Variants in DPYSL3 observed in about 807,000 individuals in gnomAD.
DPYSL3 encodes dihydropyrimidinase like 3.
A neutral mutation model predicts 66.1 loss-of-function variants in DPYSL3; 16 were observed. The observed-to-expected ratio is 0.24, with a 90% confidence interval of 0.16 to 0.37. The LOEUF (loss-of-function observed/expected upper bound fraction) is 0.37, where lower values mean the gene tolerates loss of function less well. Among genes scored for constraint, DPYSL3 ranks in the 10% least tolerant of loss-of-function variants. The pLI, the probability that DPYSL3 is intolerant of heterozygous loss-of-function variation, is 1.00. For synonymous variants in DPYSL3, 338 were observed against 345.1 expected (o/e 0.98, Z 0.23); for missense variants, 738 against 916.2 (o/e 0.81, Z 2.51).
At chr5:147,498,623 T>C (rs1195405232) in intron 1 of DPYSL3, among the ~76,000 whole-genome samples, 3 of 152,332 alleles carry the variant, frequency 2.0e-5, no homozygotes, top group African/African-American at 4.8e-5. Flanking sequence ...TTTTTAAAAA[T>C]AGTCATTCTG....
chr5:147,463,981 G>C (rs538121262), intron 1 of DPYSL3, among the ~76,000 whole-genome samples: 1 of 151,530 alleles, frequency 6.6e-6, no homozygotes, highest in Non-Finnish European at 1.5e-5. Context: ...CTCATTAACT[G>C]GCACAGGATC....
intron 1 of DPYSL3, among the ~76,000 whole-genome samples, chr5:147,493,651 A>G (rs894599718): frequency 1.4e-4 from 21 of 152,212 alleles, no homozygotes; most frequent in Non-Finnish European, 3.1e-4. Context: ...CAGAAAATTA[A>G]TAAGATTAAT....
intron 11 of DPYSL3, 54 bp from the exon 12 acceptor site, chr5:147,397,899 T>A: frequency 7.1e-6 from 6 of 846,452 alleles, no homozygotes; most frequent in Non-Finnish European, 9.9e-6. Context: ...AAGAGGAACG[T>A]ACCTTCTCTC....
At chr5:147,480,245 T>C (rs1753215863) in intron 1 of DPYSL3, among the ~76,000 whole-genome samples, 1 of 152,204 alleles carries the variant, frequency 6.6e-6, no homozygotes, top group Non-Finnish European at 1.5e-5. Context: ...CTTTTTGCGC[T>C]GTCACTCCCA....
intron 1 of DPYSL3, among the ~76,000 whole-genome samples, chr5:147,443,241 C>A (rs913258045): frequency 2.6e-5 from 4 of 152,138 alleles, no homozygotes; most frequent in Admixed American, 1.3e-4. Context: ...GACATAGAAC[C>A]AATGATAGAC....
chr5:147,444,947 T>C (rs1246254371), intron 1 of DPYSL3, among the ~76,000 whole-genome samples: 3 of 151,770 alleles, frequency 2.0e-5, no homozygotes, highest in Non-Finnish European at 4.4e-5. Flanking sequence ...TGCAGATTGG[T>C]CTATCTAGTT....
chr5:147,455,671 T>C (rs779774013), intron 1 of DPYSL3, among the ~76,000 whole-genome samples: 20 of 152,182 alleles, frequency 1.3e-4, no homozygotes, highest in Non-Finnish European at 2.6e-4. Context: ...GCATCTTTCC[T>C]GTAGATTTTA....
At chr5:147,433,909 A>G (rs913538012) in intron 1 of DPYSL3, among the ~76,000 whole-genome samples, 1 of 152,084 alleles carries the variant, frequency 6.6e-6, no homozygotes, top group Non-Finnish European at 1.5e-5. Context: ...GCATCCCTGT[A>G]ATCCCAGCTA....
chr5:147,498,527 A>C (rs1753555907), intron 1 of DPYSL3, among the ~76,000 whole-genome samples: 1 of 152,252 alleles, frequency 6.6e-6, no homozygotes, highest in East Asian at 1.9e-4. Flanking sequence ...GTCTTCCACA[A>C]TGGCTGAACT....
chr5:147,400,559 C>T (rs1232793195), intron 10 of DPYSL3, 133 bp downstream of exon 10: 3 of 1,251,440 alleles, frequency 2.4e-6, no homozygotes, highest in Non-Finnish European at 3.3e-6. Context: ...CCACATGGTT[C>T]CAGAGACATC....
At chr5:147,413,457 T>C (rs1287987471) in intron 5 of DPYSL3, 139 bp downstream of exon 5, 5 of 667,674 alleles carry the variant, frequency 7.5e-6, no homozygotes, top group Non-Finnish European at 1.3e-5. Context: ...TAGCGTGGAC[T>C]GCAAAGGCTT....
At chr5:147,402,502 C>T (rs1175017023) in intron 8 of DPYSL3, among the ~76,000 whole-genome samples, 3 of 148,146 alleles carry the variant, frequency 2.0e-5, no homozygotes, top group Non-Finnish European at 4.4e-5. Context: ...CGCCCGCCAC[C>T]ACGCCCGGCT....
chr5:147,453,973 C>G (rs772147963), intron 1 of DPYSL3: 74 of 230,326 alleles, frequency 3.2e-4, no homozygotes, highest in Non-Finnish European at 5.4e-4. Flanking sequence ...CCCACTTTTT[C>G]TTTTTCTTTC....
intron 1 of DPYSL3, among the ~76,000 whole-genome samples, chr5:147,463,183 A>T (rs1410392201): frequency 6.6e-6 from 1 of 152,098 alleles, no homozygotes; most frequent in Non-Finnish European, 1.5e-5. Flanking sequence ...TGTGGCCCTT[A>T]TGACCAGCTG....
chr5:147,439,798 A>G lies in DPYSL3; in HGVS notation c.382-14835T>C, dbSNP rs974592792. 5.9e-5 allele frequency among the ~76,000 whole-genome samples: 9 copies of G among 152,204 alleles called. No individual in the cohort carries two copies. The South Asian group carries it at 1.7e-3, about 28-fold the overall frequency. On this transcript the variant is annotated intron_variant, in intron 1 of 13. Coordinates refer to ENST00000343218, the MANE Select transcript of DPYSL3 (RefSeq NM_001197294.2). ...TAGAACCAACAAATATGCACAGCTA[A>G]TATACAGTTAGCTGGGACTCGATCC...
At chr5:147,456,880 C>G (rs142877122) in intron 1 of DPYSL3, among the ~76,000 whole-genome samples, 2 of 151,922 alleles carry the variant, frequency 1.3e-5, no homozygotes, top group South Asian at 2.1e-4. Context: ...CATGAACCAC[C>G]GCACCCAGCC....
At position 147,412,684 on chromosome 5, in the gene DPYSL3, T is replaced by G. The variant is rs1326526812; in HGVS notation, c.887A>C (p.Tyr296Ser). 1.9e-6 allele frequency: 3 copies of G among 1,610,466 alleles called. No homozygotes were observed. The highest frequency in any genetic ancestry group is 2.5e-6 in the Non-Finnish European group (3 of 1,178,200). ...DLYQVSNTEL[Y>S]EIFTCLGELG... The stretch of plus-strand genomic sequence containing the variant: ...CTCTCCCAGGCAGGTGAAGATCTCA[T>G]AGAGCTGAAATAGAAATGAGTCTTT... The change falls in exon 6 of 14, where the codon TAT becomes TCT. Residue 296 changes from tyrosine (Y) to serine (S), a missense_variant. Coordinates refer to ENST00000343218, the MANE Select transcript of DPYSL3 (RefSeq NM_001197294.2).
intron 1 of DPYSL3, among the ~76,000 whole-genome samples, chr5:147,470,334 G>A (rs749831044): frequency 6.6e-5 from 10 of 152,040 alleles, no homozygotes; most frequent in South Asian, 4.2e-4. Context: ...CATAGATTCC[G>A]GAAACTTCTC....
At chr5:147,461,433 A>T (rs971731078) in intron 1 of DPYSL3, among the ~76,000 whole-genome samples, 8 of 151,622 alleles carry the variant, frequency 5.3e-5, no homozygotes, top group Non-Finnish European at 1.0e-4. Context: ...GACCCAGAAA[A>T]CCCATTTGGG....
Sources: gnomAD v4.1 joint callset for allele counts (sites outside exome capture counted in the v4.1 genomes callset) on GRCh38, gnomAD v4.1.1 for gene constraint, MANE v1.5 for transcripts, NCBI Gene and HGNC (gene_info 2026-07-23, HGNC 2026-07-21) for gene names.